The following SLA variants were observed in gnomAD, a reference collection of about 807,000 sequenced individuals.
SLA encodes the protein src-like-adapter.
In SLA, 16 loss-of-function variants were observed where a neutral mutation model predicts 30.3. That is an observed-to-expected ratio of 0.53 (90% CI 0.36 to 0.80). The LOEUF is 0.80. SLA is among the 30% of genes least tolerant of loss of function. The pLI is 0.01. For synonymous variants in SLA, 143 were observed against 137.8 expected (o/e 1.04, Z -0.26); for missense variants, 310 against 345.2 (o/e 0.90, Z 0.81).
chr8:133,060,131 C>T lies in SLA; in HGVS notation c.30G>A (p.Ala10=), dbSNP rs202000953. The T allele has an allele frequency of 1.1e-4, 174 of 1,610,934 alleles. No individual in the cohort carries two copies. Among genetic ancestry groups the T allele is most frequent in the East Asian group, 3.3e-4 (15 of 44,782 alleles). The change falls in exon 3 of 9, where the codon GCG becomes GCA. Residue 10 remains alanine, a synonymous_variant. Transcript: ENST00000338087. MGNSMKSTP[A]PAERPLPNPE... is the part of the protein sequence containing the mutation. Reference sequence around the variant, plus strand: ...GGTTGGGCAGGGGCCTCTCGGCAGGCGCAGGGGTGGATTTCATGCTGTTTC... The same window carrying T: ...GGTTGGGCAGGGGCCTCTCGGCAGGTGCAGGGGTGGATTTCATGCTGTTTC...
intron 1 of SLA, among the ~76,000 whole-genome samples, chr8:133,081,209 G>A (rs975945846): frequency 6.6e-6 from 1 of 152,270 alleles, no homozygotes; most frequent in African/African-American, 2.4e-5. Flanking sequence ...TGGAGCCTGA[G>A]CTTGGGAAGG....
chr8:133,067,771 C>A (rs1336932568), intron 2 of SLA, among the ~76,000 whole-genome samples: 2 of 148,154 alleles, frequency 1.3e-5, no homozygotes. Flanking sequence ...GAGCAAGACT[C>A]CATCTAGAAA....
In SLA at chr8:133,040,225, G is replaced by A. The variant is rs113215755; in HGVS notation, c.485-95C>T. 2,932 of 1,378,634 alleles carry A rather than the reference G, an allele frequency of 2.1e-3. 31 individuals carry two copies. Among genetic ancestry groups the A allele is most frequent in the African/African-American group, 0.019 (1,297 of 69,672 alleles). The allele number at this position is 1,378,634 out of a possible 1,614,324, so 85.4% of individuals were successfully genotyped here. On this transcript the variant is annotated intron_variant, in intron 7 of 8. Coordinates refer to ENST00000338087, the MANE Select transcript of SLA (RefSeq NM_001045556.3). ...AGACACTCTCCAGTGCAGCTCCCTGGCTGCTGCCATGGGGAACTGGGCCTG... is the reference window on the plus strand; with the variant it reads ...AGACACTCTCCAGTGCAGCTCCCTGACTGCTGCCATGGGGAACTGGGCCTG...
At chr8:133,038,933 A>T (rs1837610994) in intron 8 of SLA, among the ~76,000 whole-genome samples, 196 bp from the exon 9 acceptor site, 1 of 152,196 alleles carries the variant, frequency 6.6e-6, no homozygotes, top group Non-Finnish European at 1.5e-5. Context: ...GCTGGAGTGC[A>T]GTGGTGCAAT....
At chr8:133,069,865 G>T (rs1223178743) in intron 2 of SLA, among the ~76,000 whole-genome samples, 4 of 151,896 alleles carry the variant, frequency 2.6e-5, no homozygotes, top group Non-Finnish European at 5.9e-5. Context: ...AGCTGGGCGT[G>T]GTGGCAGGTG....
chr8:133,038,820 A>G, intron 8 of SLA, 83 bp from the exon 9 acceptor site: 1 of 833,144 alleles, frequency 1.2e-6, no homozygotes, highest in Non-Finnish European at 1.9e-6. Context: ...CAAGAGAATG[A>G]GAACAGGAGG....
chr8:133,059,135 AG>A, intron 3 of SLA: 2 of 456,310 alleles, frequency 4.4e-6, no homozygotes, highest in South Asian at 3.1e-5. Flanking sequence ...CATCTGCGCC[AG>A]TGAACTCCGC....
chr8:133,085,812 A>G (rs1170093828), intron 1 of SLA, among the ~76,000 whole-genome samples: 2 of 152,206 alleles, frequency 1.3e-5, no homozygotes, highest in African/African-American at 4.8e-5. Flanking sequence ...CAGTTTGGCA[A>G]CTTCTCAGAA....
chr8:133,093,001 C>T lies in SLA; in HGVS notation c.-319+9552G>A, dbSNP rs73354629. Reference sequence around the variant, plus strand: ...TAGCCGAAGGAAATATTGAAACCGTCAGTGGGGGCCCCATCCTGACATTCA... The same window carrying T: ...TAGCCGAAGGAAATATTGAAACCGTTAGTGGGGGCCCCATCCTGACATTCA... On this transcript the variant is annotated intron_variant, in intron 1 of 8. Coordinates refer to ENST00000338087, the MANE Select transcript of SLA (RefSeq NM_001045556.3). Among the ~76,000 whole-genome samples the T allele has an allele frequency of 9.1e-3, 1,385 of 152,292 alleles. 25 individuals carry two copies. The highest frequency in any genetic ancestry group is 0.031 in the African/African-American group (1,279 of 41,544).
At chr8:133,089,272 T>G (rs1847118650) in intron 1 of SLA, among the ~76,000 whole-genome samples, 1 of 152,216 alleles carries the variant, frequency 6.6e-6, no homozygotes, top group Admixed American at 6.5e-5. Context: ...TTCCACACCT[T>G]GTGCTGGGCT....
chr8:133,086,509 A>G (rs1258890822), intron 1 of SLA, among the ~76,000 whole-genome samples: 2 of 152,218 alleles, frequency 1.3e-5, no homozygotes, highest in Admixed American at 6.5e-5. Flanking sequence ...TTAACATGCC[A>G]TGGAAACAAC....
In SLA at chr8:133,042,678, C is replaced by CCTTTTTTTTTTTTTTTTTTTT. The variant is rs1554706932; in HGVS notation, c.484+2305_484+2306insAAAAAAAAAAAAAAAAAAAAG. 1.2e-4 allele frequency among the ~76,000 whole-genome samples: 7 copies of CCTTTTTTTTTTTTTTTTTTTT among 56,768 alleles called. 1 individual carries two copies. The highest frequency in any genetic ancestry group is 1.3e-4 in the Non-Finnish European group (4 of 30,782). 37.2% of individuals were successfully genotyped at this position (56,768 alleles called of 152,430 possible). On this transcript the variant is annotated intron_variant, in intron 7 of 8. Coordinates refer to ENST00000338087, the MANE Select transcript of SLA (RefSeq NM_001045556.3). ...GTGCACAATTCCTCTCATTCTGTGT[C>CCTTTTTTTTTTTTTTTTTTTT]TTTTTTTTTTTTTTTTTTTTTTTTT...
chr8:133,070,137 CA>C (rs1843777105), intron 2 of SLA, among the ~76,000 whole-genome samples: 1 of 151,824 alleles, frequency 6.6e-6, no homozygotes, highest in Non-Finnish European at 1.5e-5. Context: ...ATCAATGTTT[CA>C]GGGGGAAAAA....
chr8:133,074,239 T>C (rs1844522168), intron 2 of SLA, among the ~76,000 whole-genome samples: 1 of 152,178 alleles, frequency 6.6e-6, no homozygotes. Context: ...CTCAGATTGT[T>C]ATTAATTATC....
chr8:133,049,163 G>T (rs1839975069), intron 5 of SLA: 1 of 456,516 alleles, frequency 2.2e-6, no homozygotes. Flanking sequence ...CCAGGAGGCT[G>T]CAGAGGCCTC....
intron 1 of SLA, chr8:133,090,163 G>A (rs1353393631): frequency 1.3e-5 from 2 of 152,222 alleles, no homozygotes; most frequent in Admixed American, 6.5e-5. Context: ...TAACTCTCAG[G>A]TAATATTTGG....
At chr8:133,091,363 C>T (rs796979770) in intron 1 of SLA, among the ~76,000 whole-genome samples, 27 of 152,286 alleles carry the variant, frequency 1.8e-4, no homozygotes, top group African/African-American at 5.5e-4. Flanking sequence ...AAGTGCAAGG[C>T]GTGCCAGGAG....
intron 7 of SLA, among the ~76,000 whole-genome samples, chr8:133,042,900 G>A (rs1838583499): frequency 6.6e-6 from 1 of 151,624 alleles, no homozygotes; most frequent in African/African-American, 2.4e-5. Context: ...CACCATGTTG[G>A]TCAGACTAGC....
In SLA at chr8:133,096,407, T is replaced by C. The variant is rs761945111; in HGVS notation, c.-319+6146A>G. ...GGAGGGGGCCTCGGATGTCTCCAGCTGGGCATTTCCTAAGGGCTCTGGACC... is the reference window on the plus strand; with the variant it reads ...GGAGGGGGCCTCGGATGTCTCCAGCCGGGCATTTCCTAAGGGCTCTGGACC... On this transcript the variant is annotated intron_variant, in intron 1 of 8. Coordinates refer to ENST00000338087, the MANE Select transcript of SLA (RefSeq NM_001045556.3). The C allele has an allele frequency of 6.2e-6, 10 of 1,613,386 alleles. No individual in the cohort carries two copies. In the African/African-American group the frequency reaches 1.2e-4, roughly 19 times the overall value.
Sources: gnomAD v4.1 joint callset for allele counts (sites outside exome capture counted in the v4.1 genomes callset) on GRCh38, gnomAD v4.1.1 for gene constraint, MANE v1.5 for transcripts, NCBI Gene and HGNC (gene_info 2026-07-23, HGNC 2026-07-21) for gene names.